The following GPR142 variants were observed in gnomAD, a reference collection of about 807,000 sequenced individuals.
The protein encoded by GPR142 is G protein-coupled receptor 142, also known as G-protein coupled receptor 142 long form.
In GPR142, 9 loss-of-function variants were observed where a neutral mutation model predicts 10.6. The observed-to-expected ratio is 0.85, with a 90% CI of 0.51 to 1.48. The LOEUF (loss-of-function observed/expected upper bound fraction) is 1.48, where lower values mean the gene tolerates loss of function less well. GPR142 is among the 40% of genes most tolerant of loss of function. The pLI, the probability that GPR142 is intolerant of heterozygous loss-of-function variation, is 0.00. For synonymous variants in GPR142, 202 were observed against 221.2 expected (o/e 0.91, Z 0.77); for missense variants, 482 against 506.0 (o/e 0.95, Z 0.45).
At chr17:74,368,188 G>T (rs1449999875) in intron 1 of GPR142, among the ~76,000 whole-genome samples, 1 of 151,558 alleles carries the variant, frequency 6.6e-6, no homozygotes, top group Non-Finnish European at 1.5e-5. Context: ...ATGTTGGCAG[G>T]GACCCTCCTT....
chr17:74,372,035 C>T lies in GPR142; in HGVS notation c.560C>T (p.Thr187Ile), dbSNP rs1280213477. 1.2e-6 allele frequency: 2 copies of T among 1,613,984 alleles called. No individual in the cohort carries two copies. The highest frequency in any genetic ancestry group is 3.3e-5 in the Admixed American group (2 of 60,022). Reference sequence around the variant, plus strand: ...CGGGCCGCCTCGTCCCCAGGCCGGACCCGCCGGGCCATTGCTGCTGTCCTG... The same window carrying T: ...CGGGCCGCCTCGTCCCCAGGCCGGATCCGCCGGGCCATTGCTGCTGTCCTG... The part of the protein sequence containing the change: ...HHRAASSPGR[T>I]RRAIAAVLSA... The change falls in exon 4 of 4, where the codon ACC becomes ATC. Residue 187 changes from threonine (T) to isoleucine (I), a missense_variant. Transcript: ENST00000582579.
rs150175500 is a variant in GPR142, at chr17:74,372,078, C to A, written c.603C>A (p.Thr201=). The A allele has an allele frequency of 6.2e-7, 1 of 1,614,214 alleles. No homozygotes were observed. Among genetic ancestry groups the A allele is most frequent in the South Asian group, 1.1e-5 (1 of 91,084 alleles). ...IAAVLSAALL[T]GIPFYWWLDM... ...CTGTCCTGAGTGCTGCCCTGTTGAC[C>A]GGCATCCCCTTCTACTGGTGGCTGG... The change falls in exon 4 of 4, where the codon ACC becomes ACA. Residue 201 remains threonine, a synonymous_variant. Transcript: ENST00000582579.
At position 74,367,525 on chromosome 17, in the gene GPR142, C is replaced by G. The variant is rs763815968; in HGVS notation, c.-343C>G. ...TTAGCAATGAGTATTATGATGTTGCCCATGGAGCAAAAGATCCAGTGGGTC... is the reference window on the plus strand; with the variant it reads ...TTAGCAATGAGTATTATGATGTTGCGCATGGAGCAAAAGATCCAGTGGGTC... On this transcript the variant is annotated 5_prime_UTR_variant, in exon 1 of 4. Transcript: ENST00000582579. The G allele has an allele frequency of 6.2e-7, 1 of 1,614,024 alleles. No individual in the cohort carries two copies. Among genetic ancestry groups the G allele is most frequent in the East Asian group, 2.2e-5 (1 of 44,888 alleles).
intron 2 of GPR142, among the ~76,000 whole-genome samples, chr17:74,370,208 C>T (rs972354920): frequency 2.0e-5 from 3 of 152,226 alleles, no homozygotes; most frequent in African/African-American, 7.2e-5. Context: ...TTTCAGAGCC[C>T]CTGCTAGGCC....
At position 74,367,813 on chromosome 17, in the gene GPR142, G is replaced by A. The variant is rs781479620; in HGVS notation, c.-74+19G>A. 3.6e-5 allele frequency: 57 copies of A among 1,573,110 alleles called. No individual in the cohort carries two copies. Among genetic ancestry groups the A allele is most frequent in the East Asian group, 2.3e-5 (1 of 44,306 alleles). On this transcript the variant is annotated intron_variant, in intron 1 of 3. Transcript: ENST00000582579. ...TGGGATGGTAAGTTGCTGGAAGGAC[G>A]TGCATGGGGCATCATTGTAGCAAAC...
At chr17:74,369,911 G>A (rs536729841) in intron 2 of GPR142, among the ~76,000 whole-genome samples, 2 of 152,234 alleles carry the variant, frequency 1.3e-5, no homozygotes, top group East Asian at 3.9e-4. Context: ...TGTGGACTTG[G>A]GCCATTCCAG....
rs1476728656 is a variant in GPR142 at position 74,371,790 on chromosome 17, C to T, written c.315C>T (p.Tyr105=). Residue 105 remains tyrosine (Y), a synonymous_variant, in exon 4 of 4, where the codon TAC becomes TAT. Coordinates refer to ENST00000582579, the MANE Select transcript of GPR142 (RefSeq NM_001331076.1). The part of the protein sequence containing the change: ...RLATRTRRPS[Y]YYLLALTASD... ...CCACCAGGACCAGGAGGCCCTCCTACTACTACCTTCTGGCGCTCACAGCCT... is the reference window on the plus strand; with the variant it reads ...CCACCAGGACCAGGAGGCCCTCCTATTACTACCTTCTGGCGCTCACAGCCT... 6.2e-7 allele frequency: 1 copy of T among 1,612,994 alleles called. No individual in the cohort carries two copies. Among genetic ancestry groups the T allele is most frequent in the Non-Finnish European group, 8.5e-7 (1 of 1,179,948 alleles).
At position 74,371,906 on chromosome 17, in the gene GPR142, G is replaced by C. The variant is rs374270854; in HGVS notation, c.431G>C (p.Arg144Pro). Residue 144 changes from arginine to proline, a missense_variant, in exon 4 of 4, where the codon CGC becomes CCC. Transcript: ENST00000582579. The part of the protein sequence containing the change: ...LARQVPQAVV[R>P]TANILEFAAN... The stretch of plus-strand genomic sequence containing the variant: ...CGCCAGGTGCCCCAGGCTGTGGTGC[G>C]CACGGCCAACATCCTGGAGTTTGCT... The C allele has an allele frequency of 1.2e-6, 2 of 1,612,792 alleles. No individual in the cohort carries two copies. The highest frequency in any genetic ancestry group is 2.2e-5 in the South Asian group (2 of 91,064).
intron 1 of GPR142, among the ~76,000 whole-genome samples, chr17:74,368,518 A>C (rs543691932): frequency 6.6e-6 from 1 of 152,174 alleles, no homozygotes; most frequent in East Asian, 1.9e-4. Context: ...CTGATGTGAG[A>C]TCTAACTCCC....
chr17:74,367,547 G>T lies in GPR142; in HGVS notation c.-321G>T, dbSNP rs147406756. The T allele has an allele frequency of 1.2e-6, 2 of 1,614,090 alleles. No homozygotes were observed. Among genetic ancestry groups the T allele is most frequent in the Admixed American group, 3.3e-5 (2 of 60,006 alleles). On this transcript the variant is annotated 5_prime_UTR_variant, in exon 1 of 4. Coordinates refer to ENST00000582579, the MANE Select transcript of GPR142 (RefSeq NM_001331076.1). ...TGCCCATGGAGCAAAAGATCCAGTG[G>T]GTCCCCACTTCCCTGCAGGACATCA...
rs1461486032 is a variant in GPR142, at chr17:74,372,064, G to A, written c.589G>A (p.Ala197Thr). Reference protein sequence around the residue: ...TRRAIAAVLSAALLTGIPFYW... With the variant: ...TRRAIAAVLSTALLTGIPFYW... Reference sequence around the variant, plus strand: ...CCGGGCCATTGCTGCTGTCCTGAGTGCTGCCCTGTTGACCGGCATCCCCTT... The same window carrying A: ...CCGGGCCATTGCTGCTGTCCTGAGTACTGCCCTGTTGACCGGCATCCCCTT... Residue 197 changes from alanine (A) to threonine (T), a missense_variant, in exon 4 of 4, where the codon GCT becomes ACT. Transcript: ENST00000582579. 1 of 1,614,060 alleles carries A rather than the reference G, an allele frequency of 6.2e-7. No individual in the cohort carries two copies. The highest frequency in any genetic ancestry group is 8.5e-7 in the Non-Finnish European group (1 of 1,180,048).
chr17:74,370,239 G>A (rs1455749269), intron 2 of GPR142, among the ~76,000 whole-genome samples: 1 of 152,192 alleles, frequency 6.6e-6, no homozygotes, highest in African/African-American at 2.4e-5. Flanking sequence ...CCATGGGGAG[G>A]ACCCATGGGG....
rs150650994 is a variant in GPR142, at chr17:74,371,849, C to A, written c.374C>A (p.Ala125Glu). ...ATCATCCAGGTGGTCATCGTGTTCG[C>A]GGGCTTCCTCCTGCAGGGAGCAGTG... ...DIIIQVVIVF[A>E]GFLLQGAVLA... The change falls in exon 4 of 4, where the codon GCG (alanine) becomes GAG (glutamate). Residue 125 changes from alanine to glutamate, a missense_variant. Coordinates refer to ENST00000582579, the MANE Select transcript of GPR142 (RefSeq NM_001331076.1). 1.9e-6 allele frequency: 3 copies of A among 1,613,560 alleles called. No individual in the cohort carries two copies. The highest frequency in any genetic ancestry group is 2.7e-5 in the African/African-American group (2 of 74,954).
In GPR142 at chr17:74,367,506, A is replaced by G. The variant is rs1236193141; in HGVS notation, c.-362A>G. ...ACCATGGATCCCAGCGTTGTTAGCA[A>G]TGAGTATTATGATGTTGCCCATGGA... On this transcript the variant is annotated 5_prime_UTR_variant, in exon 1 of 4. An upstream start codon of the reference 5' UTR is lost. Transcript: ENST00000582579. 1.2e-6 allele frequency: 2 copies of G among 1,612,642 alleles called. No homozygotes were observed. The highest frequency in any genetic ancestry group is 2.2e-5 in the East Asian group (1 of 44,850).
chr17:74,372,571 C>T lies in GPR142; in HGVS notation c.1096C>T (p.Pro366Ser), dbSNP rs2055039076. The T allele has an allele frequency of 1.2e-6, 2 of 1,607,938 alleles. No individual in the cohort carries two copies. The highest frequency in any genetic ancestry group is 2.2e-5 in the East Asian group (1 of 44,902). The change falls in exon 4 of 4, where the codon CCG becomes TCG. Residue 366 changes from proline (P) to serine (S), a missense_variant. By Grantham distance (74) the Pro-to-Ser change is moderately conservative (BLOSUM62 -1). Coordinates refer to ENST00000582579, the MANE Select transcript of GPR142 (RefSeq NM_001331076.1). ...GMAAKPVMEP[P>S]GLPTGAEV is the part of the protein sequence containing the mutation. ...GGCGGCGAAGCCTGTGATGGAGCCTCCGGGACTCCCCACAGGGGCAGAAGT... is the reference window on the plus strand; with the variant it reads ...GGCGGCGAAGCCTGTGATGGAGCCTTCGGGACTCCCCACAGGGGCAGAAGT...
chr17:74,371,885 A>G lies in GPR142; in HGVS notation c.410A>G (p.Gln137Arg). ...FLLQGAVLAR[Q>R]VPQAVVRTAN... Reference sequence around the variant, plus strand: ...CTGCAGGGAGCAGTGCTGGCCCGCCAGGTGCCCCAGGCTGTGGTGCGCACG... The same window carrying G: ...CTGCAGGGAGCAGTGCTGGCCCGCCGGGTGCCCCAGGCTGTGGTGCGCACG... Residue 137 changes from glutamine (Q) to arginine (R), a missense_variant, in exon 4 of 4, where the codon CAG (glutamine) becomes CGG (arginine). Gln to Arg is a conservative substitution (Grantham distance 43, BLOSUM62 1). Coordinates refer to ENST00000582579, the MANE Select transcript of GPR142 (RefSeq NM_001331076.1). The G allele has an allele frequency of 6.2e-7, 1 of 1,613,248 alleles. No individual in the cohort carries two copies. Among genetic ancestry groups the G allele is most frequent in the Non-Finnish European group, 8.5e-7 (1 of 1,180,000 alleles).
In GPR142 at chr17:74,372,555, G is replaced by T; in HGVS notation, c.1080G>T (p.Lys360Asn). The T allele has an allele frequency of 1.2e-6, 2 of 1,610,868 alleles. No homozygotes were observed. Among genetic ancestry groups the T allele is most frequent in the Non-Finnish European group, 1.7e-6 (2 of 1,180,022 alleles). The change falls in exon 4 of 4, where the codon AAG becomes AAT. Residue 360 changes from lysine (K) to asparagine (N), a missense_variant. Physicochemically the swap from Lys to Asn is moderately conservative, Grantham distance 94. Transcript: ENST00000582579. ...LASQPEGMAA[K>N]PVMEPPGLPT... ...CACAGCCAGAGGGCATGGCGGCGAA[G>T]CCTGTGATGGAGCCTCCGGGACTCC...
chr17:74,369,611 T>C lies in GPR142; in HGVS notation c.71T>C (p.Met24Thr). Reference protein sequence around the residue: ...QVTQDSGPQSMGLEGRETAGQ... With the variant: ...QVTQDSGPQSTGLEGRETAGQ... ...ACCCAGGACTCAGGGCCCCAGAGCATGGGGCTTGAGGGACGAGAGACAGGT... is the reference window on the plus strand; with the variant it reads ...ACCCAGGACTCAGGGCCCCAGAGCACGGGGCTTGAGGGACGAGAGACAGGT... Residue 24 changes from methionine (M) to threonine (T), a missense_variant, in exon 2 of 4, where the codon ATG becomes ACG. Transcript: ENST00000582579. 2 of 1,549,822 alleles carry C rather than the reference T, an allele frequency of 1.3e-6. No homozygotes were observed. The highest frequency in any genetic ancestry group is 2.4e-5 in the South Asian group (2 of 83,984).
intron 1 of GPR142, among the ~76,000 whole-genome samples, chr17:74,368,729 G>T (rs568424886): frequency 6.6e-6 from 1 of 152,286 alleles, no homozygotes; most frequent in South Asian, 2.1e-4. Context: ...TCTTCTGAGT[G>T]CACACCAGCA....
Sources: allele counts gnomAD v4.1 joint callset (sites outside exome capture counted in the v4.1 genomes callset), GRCh38; gene constraint gnomAD v4.1.1; transcripts MANE v1.5; gene names NCBI Gene and HGNC (gene_info 2026-07-23, HGNC 2026-07-21).